ANK2: variants seen among roughly 807,000 people sequenced by gnomAD.
ANK2 encodes the protein ankyrin 2.
Under a neutral mutation model 360.5 loss-of-function variants are expected in ANK2, and 83 were observed. The observed-to-expected ratio is 0.23, with a 90% confidence interval of 0.19 to 0.28. The LOEUF is 0.28. Ranked by LOEUF, ANK2 falls within the 10% of genes least tolerant of loss-of-function variation. The pLI is 1.00. For missense variants in ANK2, 4,201 were observed against 4,795.7 expected (o/e 0.88, Z 3.66); for synonymous variants, 1,740 against 1,759.5 (o/e 0.99, Z 0.28).
At position 113,358,156 on chromosome 4, in the gene ANK2, G is replaced by A. The variant is rs1564054632; in HGVS notation, c.9538G>A (p.Asp3180Asn). 1.2e-6 allele frequency: 2 copies of A among 1,613,970 alleles called. No individual in the cohort carries two copies. Among genetic ancestry groups the A allele is most frequent in the South Asian group, 1.1e-5 (1 of 91,080 alleles). The stretch of plus-strand genomic sequence containing the variant: ...AAAAGAAACAGTGGATGATGAGGCA[G>A]ACTTACTTCCAGATGACGTGAGTGA... ...ESKETVDDEA[D>N]LLPDDVSEEV... The change falls in exon 38 of 46, where the codon GAC becomes AAC. Residue 3180 changes from aspartate (D) to asparagine (N), a missense_variant. Coordinates refer to ENST00000357077, the MANE Select transcript of ANK2 (RefSeq NM_001148.6).
chr4:113,291,455 A>AC (rs35750468), intron 20 of ANK2, among the ~76,000 whole-genome samples: 75,569 of 152,054 alleles, frequency 0.5, 19,585 homozygotes, highest in South Asian at 0.6. Context: ...GATGTGCCAC[A>AC]CTTAGAGACA....
chr4:112,770,581 C>G, the ANK2 span, among the ~76,000 whole-genome samples: 1 of 152,158 alleles, frequency 6.6e-6, no homozygotes, highest in Admixed American at 6.5e-5. Context: ...AGGCATGTGC[C>G]TGTAATCCCA....
At chr4:113,167,404 A>G (rs1394729063) in intron 1 of ANK2, among the ~76,000 whole-genome samples, 1 of 150,692 alleles carries the variant, frequency 6.6e-6, no homozygotes, top group Non-Finnish European at 1.5e-5. Context: ...GATCCGAGCG[A>G]TTCCCCTGCC....
At chr4:112,890,612 G>A (rs1266815489) in intron 1 of ANK2, among the ~76,000 whole-genome samples, 1 of 118,828 alleles carries the variant, frequency 8.4e-6, no homozygotes, top group Non-Finnish European at 1.6e-5. Context: ...TTATTGCCCA[G>A]GCTGGAGTGC....
chr4:112,997,278 C>G (rs1337422425), intron 2 of ANK2, among the ~76,000 whole-genome samples: 2 of 152,070 alleles, frequency 1.3e-5, no homozygotes, highest in Non-Finnish European at 2.9e-5. Flanking sequence ...AAAACCTATT[C>G]TCTTTAGCAA....
intron 2 of ANK2, among the ~76,000 whole-genome samples, chr4:112,995,356 T>C (rs558554216): frequency 6.6e-6 from 1 of 152,316 alleles, no homozygotes; most frequent in East Asian, 1.9e-4. Flanking sequence ...CTCTGATTAG[T>C]GATGTTGAGC....
At chr4:113,133,899 G>T (rs936815982) in intron 1 of ANK2, among the ~76,000 whole-genome samples, 2 of 152,056 alleles carry the variant, frequency 1.3e-5, no homozygotes, top group African/African-American at 4.8e-5. Context: ...AAGAGTAGCT[G>T]GGATGAAAAA....
At chr4:112,749,026 AGTAGCTGG>A in the ANK2 span, among the ~76,000 whole-genome samples, 2 of 152,118 alleles carry the variant, frequency 1.3e-5, no homozygotes, top group Admixed American at 1.3e-4. Context: ...CGGCCTCCTG[AGTAGCTGG>A]GATTACAGGC....
At chr4:113,000,282 T>C (rs1226493946) in intron 2 of ANK2, among the ~76,000 whole-genome samples, 2 of 152,220 alleles carry the variant, frequency 1.3e-5, no homozygotes, top group Non-Finnish European at 2.9e-5. Flanking sequence ...AGAATTGCTC[T>C]CCTCTTCCTG....
intron 2 of ANK2, among the ~76,000 whole-genome samples, chr4:112,936,083 C>T (rs1449309610): frequency 6.6e-6 from 1 of 152,154 alleles, no homozygotes; most frequent in Non-Finnish European, 1.5e-5. Flanking sequence ...AAATGACAGT[C>T]TGTCAGTGGC....
chr4:112,744,228 A>T, the ANK2 span, among the ~76,000 whole-genome samples: 15 of 152,184 alleles, frequency 9.9e-5, no homozygotes, highest in African/African-American at 2.9e-4. Flanking sequence ...TCTCAGATAA[A>T]ATAGCTCACA....
At chr4:113,164,857 A>G (rs557525496) in intron 1 of ANK2, among the ~76,000 whole-genome samples, 2 of 152,356 alleles carry the variant, frequency 1.3e-5, no homozygotes, top group South Asian at 4.1e-4. Context: ...ATATTTTAAC[A>G]TGCTGATTAG....
chr4:113,193,059 T>C (rs2098696439), intron 2 of ANK2, among the ~76,000 whole-genome samples: 1 of 152,108 alleles, frequency 6.6e-6, no homozygotes, highest in Non-Finnish European at 1.5e-5. Flanking sequence ...GTGGACTATA[T>C]AGAGTGACAT....
At chr4:112,833,809 A>T (rs2060389486) in intron 1 of ANK2, among the ~76,000 whole-genome samples, 1 of 152,178 alleles carries the variant, frequency 6.6e-6, no homozygotes, top group African/African-American at 2.4e-5. Flanking sequence ...GGCCGGAATG[A>T]TTTATGTTTT....
intron 31 of ANK2, among the ~76,000 whole-genome samples, chr4:113,338,844 C>T (rs71604970): frequency 0.036 from 5,429 of 152,062 alleles, 151 homozygotes; most frequent in Non-Finnish European, 0.059. Flanking sequence ...TCACCGCGCC[C>T]GGCCGATTGT....
At chr4:112,998,214 G>T (rs187947128) in intron 2 of ANK2, among the ~76,000 whole-genome samples, 1 of 151,994 alleles carries the variant, frequency 6.6e-6, no homozygotes. Context: ...TGCCTGTTTT[G>T]CCAAGGGCAA....
At position 113,373,146 on chromosome 4, in the gene ANK2, T is replaced by A. The variant is rs2096799610; in HGVS notation, c.11667T>A (p.Asp3889Glu). Reference protein sequence around the residue: ...PETVTEEEYIDEHGHTVVKKV... With the variant: ...PETVTEEEYIEEHGHTVVKKV... The stretch of plus-strand genomic sequence containing the variant: ...CAGTCACAGAAGAAGAATACATTGA[T>A]GAGCATGGACACACCGTGGTAAAGA... Residue 3889 changes from aspartate to glutamate, a missense_variant, in exon 44 of 46, where the codon GAT becomes GAA. Around this residue, in one of 4 missense-constraint regions of ANK2, gnomAD observed 2,642 missense variants for 2,714.5 expected, o/e 0.97. Transcript: ENST00000357077. 1 of 1,614,162 alleles carries A rather than the reference T, an allele frequency of 6.2e-7. No individual in the cohort carries two copies. Among genetic ancestry groups the A allele is most frequent in the Non-Finnish European group, 8.5e-7 (1 of 1,179,998 alleles).
intron 2 of ANK2, among the ~76,000 whole-genome samples, chr4:113,004,283 A>G (rs913537672): frequency 3.3e-5 from 5 of 152,202 alleles, no homozygotes; most frequent in Admixed American, 6.5e-5. Context: ...CATTTAGCTT[A>G]AAATACAGAT....
chr4:113,336,787 T>C lies in ANK2; in HGVS notation c.3796+6T>C. On this transcript the variant is annotated splice_donor_region_variant and intron_variant, in intron 31 of 45. Transcript: ENST00000357077. ...ATTACTATGCAGCATAACAGGTGAG[T>C]CACATATGACTGTGTTCGTAGAGAG... 6.2e-7 allele frequency: 1 copy of C among 1,613,422 alleles called. No individual in the cohort carries two copies. Among genetic ancestry groups the C allele is most frequent in the Non-Finnish European group, 8.5e-7 (1 of 1,179,404 alleles).
Sources: gnomAD v4.1 joint callset for allele counts (sites outside exome capture counted in the v4.1 genomes callset) on GRCh38, gnomAD v4.1.1 for gene constraint, gnomAD v4.1.1 regional missense constraint, MANE v1.5 for transcripts, NCBI Gene and HGNC (gene_info 2026-07-23, HGNC 2026-07-21) for gene names.